Variants in KLRG1 observed in about 807,000 individuals in gnomAD.
The protein encoded by KLRG1 is killer cell lectin-like receptor subfamily G member 1.
Under a neutral mutation model 21.8 loss-of-function variants are expected in KLRG1, and 16 were observed. The observed-to-expected ratio is 0.73, with a 90% CI of 0.50 to 1.11. The LOEUF is 1.11. KLRG1 is among the 50% of genes most tolerant of loss of function. The pLI, the probability that KLRG1 is intolerant of heterozygous loss-of-function variation, is 0.00. For missense variants in KLRG1, 173 were observed against 218.3 expected (o/e 0.79, Z 1.31); for synonymous variants, 69 against 75.9 (o/e 0.91, Z 0.47).
chr12:9,193,278 G>A, the KLRG1 span, among the ~76,000 whole-genome samples: 12 of 152,010 alleles, frequency 7.9e-5, no homozygotes, highest in South Asian at 2.5e-3. Flanking sequence ...TTTCCCTTGT[G>A]GTAACTGCTC....
intron 1 of KLRG1, among the ~76,000 whole-genome samples, chr12:8,981,707 A>T (rs2137291068): frequency 6.6e-6 from 1 of 152,186 alleles, no homozygotes; most frequent in African/African-American, 2.4e-5. Flanking sequence ...GTATTCTTTA[A>T]TTGGTGAATG....
chr12:9,116,332 C>T, the KLRG1 span: 2 of 194,618 alleles, frequency 1.0e-5, no homozygotes, highest in South Asian at 1.0e-4. Flanking sequence ...ATTAGATATG[C>T]CTAACCTAAA....
chr12:9,152,948 A>G, the KLRG1 span: 1 of 1,614,124 alleles, frequency 6.2e-7, no homozygotes. Context: ...TATTTCATGG[A>G]TGTCTGTGAA....
the KLRG1 span, among the ~76,000 whole-genome samples, chr12:9,210,613 A>AAT: frequency 5.3e-5 from 8 of 152,190 alleles, no homozygotes; most frequent in East Asian, 1.2e-3. Flanking sequence ...ACCTCCAGTG[A>AAT]ATATATATAT....
chr12:9,166,995 T>A, the KLRG1 span: 1 of 152,200 alleles, frequency 6.6e-6, no homozygotes, highest in Non-Finnish European at 1.5e-5. Flanking sequence ...AAAAATATAT[T>A]TCTAGCAATT....
At chr12:9,108,052 C>T in the KLRG1 span, among the ~76,000 whole-genome samples, 1 of 152,116 alleles carries the variant, frequency 6.6e-6, no homozygotes, top group Non-Finnish European at 1.5e-5. Flanking sequence ...TCTCTTCTTC[C>T]ATCATCCTCT....
intron 1 of KLRG1, among the ~76,000 whole-genome samples, chr12:8,980,634 G>T (rs1348470575): frequency 2.0e-5 from 3 of 152,188 alleles, no homozygotes; most frequent in Non-Finnish European, 2.9e-5. Context: ...ATGGCATTGG[G>T]TCTGATAGGT....
intron 3 of KLRG1, among the ~76,000 whole-genome samples, chr12:9,002,526 C>G (rs1344470013): frequency 6.6e-6 from 1 of 152,144 alleles, no homozygotes; most frequent in Non-Finnish European, 1.5e-5. Context: ...CTCACACCCT[C>G]TCTGGGTGAC....
chr12:9,203,653 A>C, the KLRG1 span: 1 of 1,300,858 alleles, frequency 7.7e-7, no homozygotes, highest in Admixed American at 2.2e-5. Context: ...TGAAGTCCTA[A>C]CTACATTCTT....
chr12:8,988,021 G>A (rs976600311), upstream of KLRG1, among the ~76,000 whole-genome samples: 1 of 152,136 alleles, frequency 6.6e-6, no homozygotes, highest in Non-Finnish European at 1.5e-5. Flanking sequence ...TGTCCTTTCT[G>A]TTCAGCTCTT....
At chr12:9,060,231 C>T in the KLRG1 span, among the ~76,000 whole-genome samples, 1 of 151,570 alleles carries the variant, frequency 6.6e-6, no homozygotes, top group Admixed American at 6.6e-5. Context: ...ATTGTGTTAG[C>T]CAGGATGGTC....
chr12:9,181,840 G>T, the KLRG1 span: 135 of 872,440 alleles, frequency 1.5e-4, no homozygotes, highest in Non-Finnish European at 2.1e-5. Context: ...AGAAATTTGG[G>T]TCTGCCATAA....
At chr12:9,031,674 T>C in the KLRG1 span, among the ~76,000 whole-genome samples, 1,544 of 152,310 alleles carry the variant, frequency 0.01, 25 homozygotes, top group African/African-American at 0.035. Context: ...GTGCCCAAGG[T>C]GGTCGGGGCA....
intron 1 of KLRG1, among the ~76,000 whole-genome samples, chr12:8,959,174 G>A (rs376765716): frequency 2.2e-4 from 33 of 152,260 alleles, no homozygotes; most frequent in African/African-American, 7.5e-4. Context: ...CTGAAGAATA[G>A]ACATAGTTGA....
chr12:9,077,334 GGTGGTACCTACA>G, the KLRG1 span: 1 of 1,609,472 alleles, frequency 6.2e-7, no homozygotes, highest in Non-Finnish European at 8.5e-7. Flanking sequence ...AGAGGAATGG[GGTGGTACCTACA>G]GTGACTGTGA....
the KLRG1 span, chr12:9,070,427 A>T: frequency 1.8e-6 from 2 of 1,116,782 alleles, no homozygotes; most frequent in Non-Finnish European, 2.7e-6. Flanking sequence ...GTATTGTCTT[A>T]TGCTGGGGAT....
the KLRG1 span, among the ~76,000 whole-genome samples, chr12:9,186,539 G>A: frequency 1.3e-4 from 20 of 152,088 alleles, no homozygotes; most frequent in African/African-American, 9.7e-5. Flanking sequence ...TGATAGGCTC[G>A]AGATAAAGGA....
At chr12:9,142,147 C>A in the KLRG1 span, among the ~76,000 whole-genome samples, 4 of 152,092 alleles carry the variant, frequency 2.6e-5, no homozygotes, top group Non-Finnish European at 4.4e-5. Context: ...TGTATAAATT[C>A]TCTTTTCTTT....
At chr12:9,009,121 G>A in intron 4 of KLRG1, 46 bp downstream of exon 4, 1 of 1,447,658 alleles carries the variant, frequency 6.9e-7, no homozygotes, top group South Asian at 1.2e-5. Flanking sequence ...GAGGAAAAAG[G>A]AAAGCCAAAT....
Sources: allele counts gnomAD v4.1 joint callset (sites outside exome capture counted in the v4.1 genomes callset), GRCh38; gene constraint gnomAD v4.1.1; transcripts MANE v1.5; gene names NCBI Gene and HGNC (gene_info 2026-07-23, HGNC 2026-07-21).